The following NCAM2 variants were observed in gnomAD, a reference collection of about 807,000 sequenced individuals.
The protein encoded by NCAM2 is neural cell adhesion molecule 2.
A neutral mutation model predicts 98.1 loss-of-function variants in NCAM2; 30 were observed. The observed-to-expected ratio is 0.31, with a 90% CI of 0.23 to 0.41. The LOEUF (loss-of-function observed/expected upper bound fraction) is 0.41, where lower values mean the gene tolerates loss of function less well. Among genes scored for constraint, NCAM2 ranks in the 10% least tolerant of loss-of-function variants. NCAM2 has a pLI of 1.00. For synonymous variants in NCAM2, 368 were observed against 342.4 expected (o/e 1.07, Z -0.83); for missense variants, 867 against 1,005.8 (o/e 0.86, Z 1.87).
intron 1 of NCAM2, among the ~76,000 whole-genome samples, chr21:21,243,275 A>C (rs1166406907): frequency 6.6e-6 from 1 of 152,232 alleles, no homozygotes; most frequent in East Asian, 1.9e-4. Context: ...GAAATAATTT[A>C]GAATGCATAG....
chr21:21,273,066 A>G (rs61562702), intron 1 of NCAM2, among the ~76,000 whole-genome samples: 1,814 of 152,166 alleles, frequency 0.012, 32 homozygotes, highest in African/African-American at 0.042. Context: ...GTGGGCATAT[A>G]GAAGCTGAGT....
intron 1 of NCAM2, among the ~76,000 whole-genome samples, chr21:21,150,206 C>T (rs2067407651): frequency 6.6e-6 from 1 of 152,100 alleles, no homozygotes; most frequent in Admixed American, 6.6e-5. Flanking sequence ...TTAATTATTG[C>T]ATGTTGAGCA....
chr21:21,106,377 GTTTC>G (rs1601385730), intron 1 of NCAM2, among the ~76,000 whole-genome samples: 1 of 145,396 alleles, frequency 6.9e-6, no homozygotes, highest in Admixed American at 6.9e-5. Flanking sequence ...TAAATATGAT[GTTTC>G]TTTCTTTAGA....
chr21:21,487,429 G>A (rs1437718152), intron 15 of NCAM2, among the ~76,000 whole-genome samples: 1 of 151,714 alleles, frequency 6.6e-6, no homozygotes, highest in East Asian at 1.9e-4. Flanking sequence ...ATAAAATTCT[G>A]TCTCTGAAGA....
At chr21:21,005,844 G>T (rs957259828) in intron 1 of NCAM2, among the ~76,000 whole-genome samples, 2 of 150,994 alleles carry the variant, frequency 1.3e-5, no homozygotes, top group African/African-American at 2.4e-5. Context: ...CATGAAAAAA[G>T]ATTTTTGGTA....
chr21:21,461,598 A>G (rs910996727), intron 12 of NCAM2, among the ~76,000 whole-genome samples: 11 of 151,964 alleles, frequency 7.2e-5, no homozygotes, highest in African/African-American at 2.4e-4. Context: ...CAAAATATAT[A>G]TCCATATAAA....
chr21:21,481,145 A>T (rs1985846916), intron 15 of NCAM2, among the ~76,000 whole-genome samples: 1 of 152,178 alleles, frequency 6.6e-6, no homozygotes, highest in South Asian at 2.1e-4. Flanking sequence ...TGTAGTACTC[A>T]TTTGTGTTTG....
intron 1 of NCAM2, among the ~76,000 whole-genome samples, chr21:21,000,404 G>T (rs185409553): frequency 6.6e-6 from 1 of 152,196 alleles, no homozygotes; most frequent in Admixed American, 6.5e-5. Flanking sequence ...ATTTATCATT[G>T]TAGAGGCTAA....
chr21:21,303,135 C>T (rs183643743), intron 5 of NCAM2, among the ~76,000 whole-genome samples: 237 of 151,576 alleles, frequency 1.6e-3, no homozygotes, highest in African/African-American at 5.5e-3. Context: ...GGCTGAAGAA[C>T]GACCTTTTGG....
chr21:21,065,946 A>T (rs1433145479), intron 1 of NCAM2, among the ~76,000 whole-genome samples: 1 of 152,150 alleles, frequency 6.6e-6, no homozygotes, highest in Non-Finnish European at 1.5e-5. Context: ...AATGCATGGT[A>T]TGTGTACCAA....
intron 1 of NCAM2, among the ~76,000 whole-genome samples, chr21:21,263,439 C>T (rs1479865030): frequency 6.6e-6 from 1 of 151,996 alleles, no homozygotes; most frequent in East Asian, 1.9e-4. Flanking sequence ...CAATACTTTC[C>T]AAAGTAATCT....
intron 5 of NCAM2, among the ~76,000 whole-genome samples, chr21:21,309,414 C>G (rs2073977867): frequency 6.6e-6 from 1 of 152,128 alleles, no homozygotes; most frequent in African/African-American, 2.4e-5. Context: ...ACTTTCTTTG[C>G]CCCACCCATG....
intron 1 of NCAM2, among the ~76,000 whole-genome samples, chr21:21,152,564 C>A (rs2067478450): frequency 6.6e-6 from 1 of 151,902 alleles, no homozygotes; most frequent in African/African-American, 2.4e-5. Context: ...AGATGATCTG[C>A]TTAAGCCCTG....
At chr21:21,170,346 T>A (rs1255516479) in intron 1 of NCAM2, among the ~76,000 whole-genome samples, 1 of 152,200 alleles carries the variant, frequency 6.6e-6, no homozygotes, top group Non-Finnish European at 1.5e-5. Flanking sequence ...GTAGATTAAT[T>A]AGTAAATGGT....
intron 1 of NCAM2, among the ~76,000 whole-genome samples, chr21:21,157,417 T>C (rs13052286): frequency 0.82 from 125,417 of 152,072 alleles, 53,828 homozygotes; most frequent in Non-Finnish European, 0.96. Flanking sequence ...TTAATGAAAA[T>C]TCGGCTTTTG....
chr21:21,393,020 C>G (rs1298814810), intron 9 of NCAM2, among the ~76,000 whole-genome samples: 1 of 151,948 alleles, frequency 6.6e-6, no homozygotes, highest in African/African-American at 2.4e-5. Flanking sequence ...AATCTTTGCC[C>G]ATGTCTATGT....
chr21:21,211,649 C>T (rs2069663585), intron 1 of NCAM2, among the ~76,000 whole-genome samples: 1 of 152,128 alleles, frequency 6.6e-6, no homozygotes, highest in African/African-American at 2.4e-5. Flanking sequence ...AAAAACAGGG[C>T]ACACGTTTTC....
At chr21:21,057,212 T>C (rs2065229303) in intron 1 of NCAM2, among the ~76,000 whole-genome samples, 1 of 152,034 alleles carries the variant, frequency 6.6e-6, no homozygotes, top group Non-Finnish European at 1.5e-5. Context: ...TTGATGAGAA[T>C]ATTATAAAGA....
At chr21:21,115,567 G>T (rs1435899539) in intron 1 of NCAM2, among the ~76,000 whole-genome samples, 1 of 152,114 alleles carries the variant, frequency 6.6e-6, no homozygotes, top group Non-Finnish European at 1.5e-5. Flanking sequence ...CCTGTTACCA[G>T]CTTTTGTGAA....
Sources: allele counts gnomAD v4.1 joint callset (sites outside exome capture counted in the v4.1 genomes callset), GRCh38; gene constraint gnomAD v4.1.1; transcripts MANE v1.5; gene names NCBI Gene and HGNC (gene_info 2026-07-23, HGNC 2026-07-21).